KCNH5: variants seen among roughly 807,000 people sequenced by gnomAD.
The protein encoded by KCNH5 is potassium voltage-gated channel subfamily H member 5, also known as voltage-gated delayed rectifier potassium channel KCNH5.
KCNH5 carries 46 observed loss-of-function variants against 96.1 expected under a neutral mutation model. The observed-to-expected ratio is 0.48, with a 90% CI of 0.38 to 0.61. The LOEUF (loss-of-function observed/expected upper bound fraction) is 0.61. Among genes scored for constraint, KCNH5 ranks in the 20% least tolerant of loss-of-function variants. The pLI, the probability that KCNH5 is intolerant of heterozygous loss-of-function variation, is 0.00. For missense variants in KCNH5, 907 were observed against 1,225.8 expected, an observed-to-expected ratio of 0.74 and a Z score of 3.88; for synonymous variants, 439 against 449.8, an observed-to-expected ratio of 0.98 and a Z score of 0.30.
intron 10 of KCNH5, among the ~76,000 whole-genome samples, chr14:62,716,068 AAT>A (rs2139907967): frequency 6.6e-6 from 1 of 152,226 alleles, no homozygotes; most frequent in East Asian, 1.9e-4. Flanking sequence ...TAAACATGAA[AAT>A]ATGTTTTTCA....
intron 7 of KCNH5, among the ~76,000 whole-genome samples, chr14:62,904,948 A>C (rs1490271407): frequency 6.6e-6 from 1 of 152,248 alleles, no homozygotes; most frequent in Non-Finnish European, 1.5e-5. Context: ...GAGATTACAA[A>C]ATAAAGGACA....
intron 1 of KCNH5, among the ~76,000 whole-genome samples, chr14:63,018,213 C>G (rs950776051): frequency 6.6e-6 from 1 of 151,708 alleles, no homozygotes; most frequent in Non-Finnish European, 1.5e-5. Context: ...CTGTCTATTC[C>G]GCTGAGAGCA....
intron 8 of KCNH5, among the ~76,000 whole-genome samples, chr14:62,817,239 T>C (rs1287221520): frequency 7.3e-6 from 1 of 137,180 alleles, no homozygotes; most frequent in Non-Finnish European, 1.5e-5. Context: ...AATACATATA[T>C]TATAGTATAT....
chr14:62,714,177 TA>T (rs1394127218), intron 10 of KCNH5, among the ~76,000 whole-genome samples: 1 of 151,842 alleles, frequency 6.6e-6, no homozygotes. Flanking sequence ...TGGTCCTAGC[TA>T]CTTGGGAGGC....
chr14:62,863,941 C>T (rs949686100), intron 7 of KCNH5, among the ~76,000 whole-genome samples: 1 of 152,028 alleles, frequency 6.6e-6, no homozygotes, highest in Non-Finnish European at 1.5e-5. Context: ...ATACAATTAC[C>T]TCTTATACTC....
At chr14:62,849,965 T>A in intron 7 of KCNH5, 113 bp from the exon 8 acceptor site, 1 of 812,074 alleles carries the variant, frequency 1.2e-6, no homozygotes, top group Admixed American at 2.2e-5. Flanking sequence ...CTTGCAGGGG[T>A]AAATACATGT....
intron 7 of KCNH5, among the ~76,000 whole-genome samples, chr14:62,934,239 G>A (rs1165264742): frequency 6.6e-6 from 1 of 151,126 alleles, no homozygotes; most frequent in African/African-American, 2.4e-5. Context: ...CAATTCTTCT[G>A]CGTCAGCCTC....
intron 7 of KCNH5, among the ~76,000 whole-genome samples, chr14:62,885,730 G>T (rs1426284095): frequency 6.6e-6 from 1 of 152,144 alleles, no homozygotes; most frequent in African/African-American, 2.4e-5. Context: ...AAACAATTAT[G>T]AGTGTAAGAA....
chr14:62,802,896 C>A (rs1886693616), intron 8 of KCNH5, among the ~76,000 whole-genome samples: 1 of 152,154 alleles, frequency 6.6e-6, no homozygotes, highest in South Asian at 2.1e-4. Flanking sequence ...AATTCCAGCA[C>A]TTTGGGAGGC....
intron 8 of KCNH5, among the ~76,000 whole-genome samples, chr14:62,843,307 C>A (rs2140039168): frequency 6.6e-6 from 1 of 151,878 alleles, no homozygotes; most frequent in African/African-American, 2.4e-5. Context: ...GCTGTACTGG[C>A]ATGATCATTA....
intron 10 of KCNH5, among the ~76,000 whole-genome samples, chr14:62,711,972 A>G (rs558633018): frequency 6.6e-6 from 1 of 152,318 alleles, no homozygotes; most frequent in East Asian, 1.9e-4. Context: ...TCCAGATCTC[A>G]GACACAAGCC....
At position 62,849,718 on chromosome 14, in the gene KCNH5, T is replaced by C; in HGVS notation, c.1504A>G (p.Ser502Gly). ...LKLYQVPKGL[S>G]ERVMDYIVST... ...ACAATATAATCCATGACTCGCTCAC[T>C]AAGGCCTTTTGGGACCTGATAGAGT... Residue 502 changes from serine to glycine, a missense_variant, in exon 8 of 11, where the codon AGT becomes GGT. Ser to Gly is a moderately conservative substitution (Grantham distance 56). Around this residue, in one of 6 missense-constraint regions of KCNH5, gnomAD observed 95 missense variants for 111.8 expected, o/e 0.85. Transcript: ENST00000322893. 6.2e-7 allele frequency: 1 copy of C among 1,613,960 alleles called. No individual in the cohort carries two copies.
chr14:62,757,379 T>C (rs1885645989), intron 10 of KCNH5, among the ~76,000 whole-genome samples: 1 of 152,182 alleles, frequency 6.6e-6, no homozygotes, highest in African/African-American at 2.4e-5. Context: ...GAGAACAGTT[T>C]GGAGGCTCCT....
chr14:62,735,305 C>G (rs1369017429), intron 10 of KCNH5, among the ~76,000 whole-genome samples: 1 of 152,062 alleles, frequency 6.6e-6, no homozygotes, highest in Non-Finnish European at 1.5e-5. Context: ...CACTTGGGCT[C>G]AAGAGTGATA....
intron 10 of KCNH5, among the ~76,000 whole-genome samples, chr14:62,766,262 A>G (rs12881113): frequency 0.48 from 72,735 of 151,976 alleles, 19,214 homozygotes; most frequent in South Asian, 0.78. Context: ...TGTATAACAA[A>G]TTTGTAGGTT....
At chr14:63,031,041 T>A (rs1891615741) in intron 1 of KCNH5, among the ~76,000 whole-genome samples, 1 of 151,922 alleles carries the variant, frequency 6.6e-6, no homozygotes, top group African/African-American at 2.4e-5. Context: ...AATGCACCCA[T>A]CTTCTGCTTT....
chr14:62,812,438 A>G (rs1886891347), intron 8 of KCNH5, among the ~76,000 whole-genome samples: 1 of 152,182 alleles, frequency 6.6e-6, no homozygotes, highest in African/African-American at 2.4e-5. Context: ...AGAGGAAGAC[A>G]TCTTATTTGA....
chr14:62,738,517 A>G (rs921008720), intron 10 of KCNH5, among the ~76,000 whole-genome samples: 3 of 152,072 alleles, frequency 2.0e-5, no homozygotes, highest in African/African-American at 7.2e-5. Context: ...TAATAACAAA[A>G]CATTTTAAAA....
chr14:62,770,263 C>T (rs1406431144), intron 10 of KCNH5, among the ~76,000 whole-genome samples: 2 of 152,176 alleles, frequency 1.3e-5, no homozygotes, highest in Admixed American at 6.5e-5. Flanking sequence ...GTATGTTTTT[C>T]ATTTACAAAA....
Sources: allele counts gnomAD v4.1 joint callset (sites outside exome capture counted in the v4.1 genomes callset), GRCh38; gene constraint gnomAD v4.1.1; regional missense constraint gnomAD v4.1.1; transcripts MANE v1.5; gene names NCBI Gene and HGNC (gene_info 2026-07-23, HGNC 2026-07-21).